The following CTDSP2 variants were observed in gnomAD, a reference collection of about 807,000 sequenced individuals.
CTDSP2 encodes the protein carboxy-terminal domain RNA polymerase II polypeptide A small phosphatase 2.
In CTDSP2, 9 loss-of-function variants were observed where a neutral mutation model predicts 31.6. That is an observed-to-expected ratio of 0.28 (90% confidence interval 0.17 to 0.50). The LOEUF (loss-of-function observed/expected upper bound fraction) is 0.50, where lower values mean the gene tolerates loss of function less well. Ranked by LOEUF, CTDSP2 falls within the 20% of genes least tolerant of loss-of-function variation. The probability of loss-of-function intolerance (pLI) is 0.98; values close to 1 mark genes in which losing one functional copy is unlikely to be tolerated. For synonymous variants in CTDSP2, 134 were observed against 134.5 expected (o/e 1.00, Z 0.03); for missense variants, 267 against 348.5 (o/e 0.77, Z 1.86).
In CTDSP2 at chr12:57,831,981, G is replaced by T. The variant is rs138886968; in HGVS notation, c.65-2385C>A. On this transcript the variant is annotated intron_variant, in intron 1 of 7. Coordinates refer to ENST00000398073, the MANE Select transcript of CTDSP2 (RefSeq NM_005730.4). The stretch of plus-strand genomic sequence containing the variant: ...AGGGAAAGATCAAACTATTCCACAG[G>T]ACCAAGGGTGAGAAAATGGCCTTTA... 1.4e-3 allele frequency among the ~76,000 whole-genome samples: 209 copies of T among 152,258 alleles called. 1 individual carries two copies. The highest frequency in any genetic ancestry group is 4.6e-3 in the African/African-American group (192 of 41,544).
intron 1 of CTDSP2, among the ~76,000 whole-genome samples, chr12:57,839,894 T>C (rs1000807797): frequency 2.8e-4 from 42 of 151,968 alleles, no homozygotes; most frequent in African/African-American, 9.7e-4. Flanking sequence ...AGATACGAGA[T>C]ATAAAATGCT....
rs1030885730 is a variant in CTDSP2 at position 57,846,512 on chromosome 12, G to A, written c.-77C>T. 4.8e-6 allele frequency: 6 copies of A among 1,248,794 alleles called. No homozygotes were observed. The highest frequency in any genetic ancestry group is 5.4e-4 in the Middle Eastern group (2 of 3,710). The allele number at this position is 1,248,794 out of a possible 1,614,324, so 77.4% of individuals were successfully genotyped here. ...CGGGCTGGGCTGGGCTGGGGGGCCT[G>A]GGCGGGGGCCCGCTCCGGCTCCCGA... On this transcript the variant is annotated 5_prime_UTR_variant, in exon 1 of 8. Transcript: ENST00000398073.
At position 57,820,609 on chromosome 12, in the gene CTDSP2, G is replaced by A. The variant is rs1291128668; in HGVS notation, c.*2993C>T. Reference sequence around the variant, plus strand: ...CGTCTGGGCCACTGTTACCAGAGGTGAGTTTATACATTTACAAAATGCTTA... The same window carrying A: ...CGTCTGGGCCACTGTTACCAGAGGTAAGTTTATACATTTACAAAATGCTTA... On this transcript the variant is annotated 3_prime_UTR_variant, in exon 8 of 8. Coordinates refer to ENST00000398073, the MANE Select transcript of CTDSP2 (RefSeq NM_005730.4). 2 of 152,628 alleles carry A rather than the reference G, an allele frequency of 1.3e-5. No individual in the cohort carries two copies. Among genetic ancestry groups the A allele is most frequent in the Non-Finnish European group, 2.9e-5 (2 of 68,046 alleles). 9.5% of individuals were successfully genotyped at this position (152,628 alleles called of 1,614,324 possible). A position where few individuals can be genotyped will look rare whatever the true frequency, so the allele number is the denominator to read the frequency against.
chr12:57,827,729 T>C, intron 2 of CTDSP2, 139 bp from the exon 3 acceptor site: 1 of 775,776 alleles, frequency 1.3e-6, no homozygotes, highest in Admixed American at 2.2e-5. Flanking sequence ...ATGTCAAAAG[T>C]GACTTTTCCT....
chr12:57,833,889 T>G (rs1261843846), intron 1 of CTDSP2, among the ~76,000 whole-genome samples: 2 of 152,250 alleles, frequency 1.3e-5, no homozygotes, highest in Non-Finnish European at 2.9e-5. Context: ...AGGTCTGCGT[T>G]AGACACTTGA....
At chr12:57,843,019 T>C (rs1400985740) in intron 1 of CTDSP2, among the ~76,000 whole-genome samples, 1 of 152,198 alleles carries the variant, frequency 6.6e-6, no homozygotes, top group East Asian at 1.9e-4. Flanking sequence ...TGCAATTAGC[T>C]ATCAGAACCT....
At chr12:57,844,899 C>T (rs1321515943) in intron 1 of CTDSP2, among the ~76,000 whole-genome samples, 2 of 140,252 alleles carry the variant, frequency 1.4e-5, no homozygotes, top group African/African-American at 2.5e-5. Flanking sequence ...CTGCCTCCCT[C>T]CCCCCACCCT....
At chr12:57,844,155 A>G (rs1396685568) in intron 1 of CTDSP2, among the ~76,000 whole-genome samples, 1 of 152,054 alleles carries the variant, frequency 6.6e-6, no homozygotes, top group African/African-American at 2.4e-5. Flanking sequence ...AGATTGCGCC[A>G]CTGCACTCTA....
intron 1 of CTDSP2, among the ~76,000 whole-genome samples, chr12:57,832,304 G>T (rs1323017067): frequency 6.6e-6 from 1 of 152,192 alleles, no homozygotes; most frequent in Non-Finnish European, 1.5e-5. Flanking sequence ...AATTTCCAGG[G>T]ACAGGGATTT....
At chr12:57,833,090 C>G (rs1956226625) in intron 1 of CTDSP2, among the ~76,000 whole-genome samples, 2 of 152,202 alleles carry the variant, frequency 1.3e-5, no homozygotes, top group African/African-American at 2.4e-5. Flanking sequence ...AAAGGCCACA[C>G]AGCCTGGGCT....
intron 1 of CTDSP2, among the ~76,000 whole-genome samples, chr12:57,838,421 AC>A (rs1034215130): frequency 6.6e-6 from 1 of 152,086 alleles, no homozygotes; most frequent in African/African-American, 2.4e-5. Flanking sequence ...ACCTGGAGTT[AC>A]CCCTCCTTCC....
intron 1 of CTDSP2, among the ~76,000 whole-genome samples, chr12:57,839,527 G>A (rs1364284129): frequency 6.6e-6 from 1 of 152,126 alleles, no homozygotes; most frequent in Non-Finnish European, 1.5e-5. Flanking sequence ...GACCATCCTG[G>A]CTAACACAGT....
At chr12:57,844,923 C>T (rs1272292001) in intron 1 of CTDSP2, among the ~76,000 whole-genome samples, 1 of 143,064 alleles carries the variant, frequency 7.0e-6, no homozygotes, top group African/African-American at 2.5e-5. Context: ...CCCCTCCCAG[C>T]TCCTCTCGTT....
At chr12:57,835,881 C>T (rs1223488877) in intron 1 of CTDSP2, among the ~76,000 whole-genome samples, 2 of 152,182 alleles carry the variant, frequency 1.3e-5, no homozygotes, top group Non-Finnish European at 2.9e-5. Context: ...AGCCACACAG[C>T]CTTTTGGAGC....
At chr12:57,827,857 T>C (rs563257012) in intron 2 of CTDSP2, among the ~76,000 whole-genome samples, 2 of 152,076 alleles carry the variant, frequency 1.3e-5, no homozygotes, top group Non-Finnish European at 2.9e-5. Flanking sequence ...CTGGACAAAG[T>C]GAGGAACAGG....
chr12:57,841,461 ATT>A, intron 1 of CTDSP2, among the ~76,000 whole-genome samples: 1 of 152,346 alleles, frequency 6.6e-6, no homozygotes, highest in Admixed American at 6.5e-5. Flanking sequence ...TTATATCCAT[ATT>A]TGAGAACCTC....
chr12:57,835,236 G>A (rs1282444184), intron 1 of CTDSP2, among the ~76,000 whole-genome samples: 1 of 151,838 alleles, frequency 6.6e-6, no homozygotes, highest in African/African-American at 2.4e-5. Flanking sequence ...GCTGAGGCAG[G>A]AGAATTGCTT....
In CTDSP2 at chr12:57,846,524, G is replaced by C. The variant is rs1332476755; in HGVS notation, c.-89C>G. 2.8e-6 allele frequency: 3 copies of C among 1,080,808 alleles called. No homozygotes were observed. Among genetic ancestry groups the C allele is most frequent in the Non-Finnish European group, 3.8e-6 (3 of 793,640 alleles). 67.0% of individuals were successfully genotyped at this position (1,080,808 alleles called of 1,614,324 possible). On this transcript the variant is annotated 5_prime_UTR_variant, in exon 1 of 8. Coordinates refer to ENST00000398073, the MANE Select transcript of CTDSP2 (RefSeq NM_005730.4). ...GGCTGGGGGGCCTGGGCGGGGGCCCGCTCCGGCTCCCGAGACTCCGACTTC... is the reference window on the plus strand; with the variant it reads ...GGCTGGGGGGCCTGGGCGGGGGCCCCCTCCGGCTCCCGAGACTCCGACTTC...
In CTDSP2 at chr12:57,824,305, C is replaced by T; in HGVS notation, c.426G>A (p.Lys142=). 6.2e-7 allele frequency: 1 copy of T among 1,613,976 alleles called. No individual in the cohort carries two copies. Among genetic ancestry groups the T allele is most frequent in the South Asian group, 1.1e-5 (1 of 91,076 alleles). ...TCAGGAACTCATCCACATAAGGCCT[C>T]TTGAGCACATACACCTGAGGAAGAG... is the stretch of plus-strand genomic sequence containing the variant. The part of the protein sequence containing the change: ...EGTTHQVYVL[K]RPYVDEFLRR... Residue 142 remains lysine (K), a synonymous_variant, in exon 6 of 8, where the codon AAG becomes AAA. Coordinates refer to ENST00000398073, the MANE Select transcript of CTDSP2 (RefSeq NM_005730.4).
Sources: gnomAD v4.1 joint callset for allele counts (sites outside exome capture counted in the v4.1 genomes callset) on GRCh38, gnomAD v4.1.1 for gene constraint, MANE v1.5 for transcripts, NCBI Gene and HGNC (gene_info 2026-07-23, HGNC 2026-07-21) for gene names.